TMEFF2: variants seen among roughly 807,000 people sequenced by gnomAD.
TMEFF2 encodes the protein transmembrane protein with EGF like and two follistatin like domains 2, also known as tomoregulin-2.
TMEFF2 carries 28 observed loss-of-function variants against 53.8 expected under a neutral mutation model. The observed-to-expected ratio is 0.52, with a 90% CI of 0.39 to 0.71. The LOEUF (loss-of-function observed/expected upper bound fraction) is 0.71, where lower values mean the gene tolerates loss of function less well. TMEFF2 is among the 30% of genes least tolerant of loss of function. The pLI is 0.00. For synonymous variants in TMEFF2, 162 were observed against 166.3 expected (o/e 0.97, Z 0.20); for missense variants, 353 against 455.2 (o/e 0.78, Z 2.04).
intron 7 of TMEFF2, among the ~76,000 whole-genome samples, chr2:191,957,301 G>T (rs1397394002): frequency 6.6e-6 from 1 of 152,022 alleles, no homozygotes; most frequent in African/African-American, 2.4e-5. Flanking sequence ...TCTGAAATAT[G>T]ATATTCTTGA....
At chr2:192,088,062 A>G (rs1256300915) in intron 4 of TMEFF2, among the ~76,000 whole-genome samples, 3 of 152,208 alleles carry the variant, frequency 2.0e-5, no homozygotes, top group African/African-American at 2.4e-5. Context: ...AAGAAACTGC[A>G]GCATTTCAGT....
At chr2:191,963,741 GC>G (rs1387675433) in intron 7 of TMEFF2, among the ~76,000 whole-genome samples, 3 of 152,172 alleles carry the variant, frequency 2.0e-5, no homozygotes, top group African/African-American at 4.8e-5. Context: ...ATACGCTAAA[GC>G]TATTGGTTGT....
rs149038452 is a variant in TMEFF2, at chr2:192,091,342, G to A, written c.440-33567C>T. 3.8e-3 allele frequency among the ~76,000 whole-genome samples: 585 copies of A among 152,202 alleles called. 5 individuals carry two copies. Among genetic ancestry groups the A allele is most frequent in the African/African-American group, 0.013 (540 of 41,536 alleles). Reference sequence around the variant, plus strand: ...AATCACAGAGATGATCAGGACATTAGATCAGTTACCTGAACAGTTATGCTC... The same window carrying A: ...AATCACAGAGATGATCAGGACATTAAATCAGTTACCTGAACAGTTATGCTC... On this transcript the variant is annotated intron_variant, in intron 4 of 9. Transcript: ENST00000272771.
chr2:192,104,008 A>C (rs1053700428), intron 4 of TMEFF2, among the ~76,000 whole-genome samples: 1 of 152,066 alleles, frequency 6.6e-6, no homozygotes, highest in African/African-American at 2.4e-5. Context: ...ACGCTTTCCA[A>C]CTTTCATTAT....
At chr2:192,185,951 A>ACAGT (rs1691301241) in intron 2 of TMEFF2, among the ~76,000 whole-genome samples, 1 of 152,140 alleles carries the variant, frequency 6.6e-6, no homozygotes, top group Admixed American at 6.6e-5. Flanking sequence ...AAATGGTATG[A>ACAGT]CAGTCATATT....
chr2:192,183,564 C>T (rs1267958652), intron 3 of TMEFF2, among the ~76,000 whole-genome samples: 1 of 151,986 alleles, frequency 6.6e-6, no homozygotes, highest in African/African-American at 2.4e-5. Context: ...GCTTATTTGC[C>T]ATTAAGAACA....
intron 4 of TMEFF2, among the ~76,000 whole-genome samples, chr2:192,112,031 G>C (rs944002019): frequency 6.6e-6 from 1 of 152,202 alleles, no homozygotes; most frequent in Admixed American, 6.5e-5. Context: ...TGCATGGATG[G>C]AGACCTCATG....
chr2:191,950,452 C>A, intron 9 of TMEFF2, 45 bp from the exon 10 acceptor site: 1 of 1,613,682 alleles, frequency 6.2e-7, no homozygotes, highest in South Asian at 1.1e-5. Context: ...ATGCTATTAC[C>A]TAAAGTTTGG....
In TMEFF2 at chr2:192,096,354, T is replaced by G. The variant is rs532954219; in HGVS notation, c.440-38579A>C. Among the ~76,000 whole-genome samples, 233 of 152,260 alleles carry G rather than the reference T, an allele frequency of 1.5e-3. 1 individual carries two copies. The highest frequency in any genetic ancestry group is 5.3e-3 in the African/African-American group (221 of 41,572). ...GACATGTGACTGTATGCTAGATTAA[T>G]TTTTAGTGATTTAAAGGGTACTATT... is the stretch of plus-strand genomic sequence containing the variant. On this transcript the variant is annotated intron_variant, in intron 4 of 9. Coordinates refer to ENST00000272771, the MANE Select transcript of TMEFF2 (RefSeq NM_016192.4).
intron 4 of TMEFF2, among the ~76,000 whole-genome samples, chr2:192,167,596 T>C (rs748258697): frequency 5.9e-5 from 9 of 152,152 alleles, no homozygotes; most frequent in Non-Finnish European, 1.2e-4. Context: ...GTTTGTTCTT[T>C]TACCTTCTTT....
At chr2:192,182,799 C>G (rs2106038160) in intron 3 of TMEFF2, among the ~76,000 whole-genome samples, 2 of 152,040 alleles carry the variant, frequency 1.3e-5, no homozygotes, top group Middle Eastern at 6.8e-3. Flanking sequence ...CTTCCTGGTT[C>G]CTGGGATTTT....
intron 4 of TMEFF2, among the ~76,000 whole-genome samples, chr2:192,130,168 T>C (rs1027677896): frequency 6.6e-6 from 1 of 152,150 alleles, no homozygotes; most frequent in Admixed American, 6.5e-5. Flanking sequence ...CTATTATTTC[T>C]TCTTCCAGGA....
At chr2:191,993,484 G>A (rs569235559) in intron 7 of TMEFF2, among the ~76,000 whole-genome samples, 1 of 152,082 alleles carries the variant, frequency 6.6e-6, no homozygotes, top group Admixed American at 6.6e-5. Flanking sequence ...CCCCTCCGAG[G>A]ACATGAAATC....
intron 5 of TMEFF2, among the ~76,000 whole-genome samples, chr2:192,011,276 T>A (rs185495288): frequency 6.6e-6 from 1 of 152,190 alleles, no homozygotes; most frequent in Admixed American, 6.5e-5. Context: ...TGCTGAAAAA[T>A]CAAACAGGAA....
At chr2:192,002,752 C>CG (rs1686398928) in intron 5 of TMEFF2, among the ~76,000 whole-genome samples, 1 of 152,196 alleles carries the variant, frequency 6.6e-6, no homozygotes, top group African/African-American at 2.4e-5. Flanking sequence ...ATCACTTGAA[C>CG]GGGGGAGGCG....
chr2:192,043,076 C>CA (rs1223627565), intron 5 of TMEFF2, among the ~76,000 whole-genome samples: 4 of 152,042 alleles, frequency 2.6e-5, no homozygotes, highest in Non-Finnish European at 4.4e-5. Context: ...ACTCGACTGC[C>CA]AAAAGCAAGG....
At chr2:191,997,070 G>A (rs978762689) in intron 7 of TMEFF2, among the ~76,000 whole-genome samples, 1 of 151,902 alleles carries the variant, frequency 6.6e-6, no homozygotes, top group Admixed American at 6.6e-5. Flanking sequence ...CCATTTGTCT[G>A]TATGAGCTCT....
chr2:192,043,489 G>C lies in TMEFF2; in HGVS notation c.536+14190C>G, dbSNP rs539000363. The stretch of plus-strand genomic sequence containing the variant: ...GAATCAGACCTTTCACGGACTAATG[G>C]ACACTAGCTCTGAACTGACACTAAT... On this transcript the variant is annotated intron_variant, in intron 5 of 9. Coordinates refer to ENST00000272771, the MANE Select transcript of TMEFF2 (RefSeq NM_016192.4). 2.0e-5 allele frequency among the ~76,000 whole-genome samples: 3 copies of C among 152,282 alleles called. No homozygotes were observed. In the East Asian group the frequency reaches 5.8e-4, roughly 29 times the overall value.
chr2:192,062,434 G>A (rs2356764), intron 4 of TMEFF2, among the ~76,000 whole-genome samples: 116,450 of 152,040 alleles, frequency 0.77, 45,657 homozygotes, highest in Non-Finnish European at 0.86. Context: ...TTACTGACTG[G>A]AAATTATAAT....
Sources: allele counts gnomAD v4.1 joint callset (sites outside exome capture counted in the v4.1 genomes callset), GRCh38; gene constraint gnomAD v4.1.1; transcripts MANE v1.5; gene names NCBI Gene and HGNC (gene_info 2026-07-23, HGNC 2026-07-21).